Variants in PAPOLA observed in about 807,000 individuals in gnomAD.
PAPOLA encodes polynucleotide adenylyltransferase alpha.
In PAPOLA, 15 loss-of-function variants were observed where a neutral mutation model predicts 100.6. That is an observed-to-expected ratio of 0.15 (90% confidence interval 0.10 to 0.23). The LOEUF (loss-of-function observed/expected upper bound fraction) is 0.23, where lower values mean the gene tolerates loss of function less well. Among genes scored for constraint, PAPOLA ranks in the 10% least tolerant of loss-of-function variants. The pLI is 1.00. For synonymous variants in PAPOLA, 293 were observed against 300.0 expected (o/e 0.98, Z 0.24); for missense variants, 533 against 884.2 (o/e 0.60, Z 5.04).
chr14:96,517,350 T>G (rs1321941217), intron 1 of PAPOLA, among the ~76,000 whole-genome samples: 1 of 152,214 alleles, frequency 6.6e-6, no homozygotes, highest in Non-Finnish European at 1.5e-5. Context: ...CTTTGTATTG[T>G]GCACTTGAAA....
intron 15 of PAPOLA, among the ~76,000 whole-genome samples, chr14:96,545,546 T>C (rs1900327981): frequency 6.6e-6 from 1 of 152,094 alleles, no homozygotes; most frequent in South Asian, 2.1e-4. Context: ...AAATACTCTA[T>C]TTTTTGTTTG....
chr14:96,519,397 G>T (rs2140251760), intron 1 of PAPOLA, among the ~76,000 whole-genome samples: 1 of 152,192 alleles, frequency 6.6e-6, no homozygotes, highest in African/African-American at 2.4e-5. Flanking sequence ...GATTGAGTCA[G>T]ATTTATTTCC....
At chr14:96,564,725 A>G (rs1479557652) in intron 21 of PAPOLA, among the ~76,000 whole-genome samples, 3 of 152,096 alleles carry the variant, frequency 2.0e-5, no homozygotes, top group African/African-American at 7.2e-5. Flanking sequence ...AGTTTTTAAA[A>G]TATTATTAAA....
Position 96,537,034 on chromosome 14 carries a change from A to G in PAPOLA, c.1089A>G (p.Glu363=). Residue 363 remains glutamate, a synonymous_variant, in exon 12 of 22, where the codon GAA becomes GAG. Transcript: ENST00000216277. ...LSKAEWSKLF[E]APNFFQKYKH... ...AGGCAGAGTGGTCCAAACTTTTTGAAGCTCCAAACTTCTTTCAAAAGTACA... is the reference window on the plus strand; with the variant it reads ...AGGCAGAGTGGTCCAAACTTTTTGAGGCTCCAAACTTCTTTCAAAAGTACA... The G allele has an allele frequency of 6.2e-7, 1 of 1,605,550 alleles. No individual in the cohort carries two copies. The highest frequency in any genetic ancestry group is 2.2e-5 in the East Asian group (1 of 44,758).
At chr14:96,523,638 C>T (rs909020699) in intron 3 of PAPOLA, among the ~76,000 whole-genome samples, 11 of 152,174 alleles carry the variant, frequency 7.2e-5, no homozygotes, top group Admixed American at 6.5e-4. Context: ...AAAGGCTTTG[C>T]TTACTTTTAA....
At chr14:96,525,416 G>A in intron 4 of PAPOLA, 25 bp downstream of exon 4, 2 of 951,374 alleles carry the variant, frequency 2.1e-6, no homozygotes, top group Non-Finnish European at 3.3e-6. Flanking sequence ...ATTTTTCTTA[G>A]AAAGGGACCC....
At chr14:96,535,837 C>T (rs1899477316) in intron 10 of PAPOLA, 42 bp from the exon 11 acceptor site, 1 of 1,462,490 alleles carries the variant, frequency 6.8e-7, no homozygotes. Context: ...GTATCTGTTG[C>T]ATATGTACTT....
intron 8 of PAPOLA, 28 bp from the exon 9 acceptor site, chr14:96,532,483 T>A (rs1261251924): frequency 4.4e-6 from 7 of 1,605,978 alleles, no homozygotes; most frequent in Admixed American, 3.5e-5. Context: ...AACACTAACT[T>A]ATCTTTTTGC....
chr14:96,535,830 TC>T (rs1899476295), intron 10 of PAPOLA, 48 bp from the exon 11 acceptor site: 1 of 1,405,490 alleles, frequency 7.1e-7, no homozygotes, highest in East Asian at 2.6e-5. Flanking sequence ...AGCCCAAGTA[TC>T]TGTTGCATAT....
chr14:96,518,147 A>T (rs1418932524), intron 1 of PAPOLA, among the ~76,000 whole-genome samples: 1 of 152,224 alleles, frequency 6.6e-6, no homozygotes, highest in Non-Finnish European at 1.5e-5. Flanking sequence ...TTATTCAGTA[A>T]ATGTTATTAT....
chr14:96,563,174 C>T (rs934921971), intron 21 of PAPOLA, among the ~76,000 whole-genome samples: 5 of 152,074 alleles, frequency 3.3e-5, no homozygotes, highest in African/African-American at 1.2e-4. Context: ...ACACAGGGTT[C>T]ATATGTAGGT....
At chr14:96,508,315 C>G (rs1181036717) in intron 1 of PAPOLA, among the ~76,000 whole-genome samples, 2 of 152,158 alleles carry the variant, frequency 1.3e-5, no homozygotes, top group Non-Finnish European at 2.9e-5. Flanking sequence ...GATAACAGAA[C>G]TGTGGGAGAT....
intron 10 of PAPOLA, 148 bp downstream of exon 10, chr14:96,534,711 T>G: frequency 6.8e-7 from 1 of 1,466,902 alleles, no homozygotes; most frequent in Non-Finnish European, 9.0e-7. Context: ...TCAACTATAA[T>G]TGTCCTCAAC....
chr14:96,543,336 A>G (rs1165093042), intron 14 of PAPOLA, among the ~76,000 whole-genome samples: 1 of 152,162 alleles, frequency 6.6e-6, no homozygotes, highest in Non-Finnish European at 1.5e-5. Context: ...AGAAGATAAC[A>G]TAAGAAAAAG....
intron 15 of PAPOLA, among the ~76,000 whole-genome samples, chr14:96,544,782 C>G (rs1293127203): frequency 1.3e-5 from 2 of 152,016 alleles, no homozygotes; most frequent in African/African-American, 2.4e-5. Flanking sequence ...CTGCCTTCAT[C>G]ATCTTGAACC....
At position 96,532,493 on chromosome 14, in the gene PAPOLA, C is replaced by G; in HGVS notation, c.698-18C>G. ...TGTTCAACACTAACTTATCTTTTTG[C>G]TTTTCCCTTATCAACAGGCCACAAC... On this transcript the variant is annotated intron_variant, in intron 8 of 21. Transcript: ENST00000216277. 4 of 1,604,822 alleles carry G rather than the reference C, an allele frequency of 2.5e-6. No individual in the cohort carries two copies. The highest frequency in any genetic ancestry group is 1.1e-5 in the South Asian group (1 of 89,130).
chr14:96,524,920 G>A (rs761640217), intron 3 of PAPOLA, among the ~76,000 whole-genome samples: 2 of 152,144 alleles, frequency 1.3e-5, no homozygotes, highest in Admixed American at 1.3e-4. Flanking sequence ...TTTCTTTAAA[G>A]CAATCAGAAT....
At position 96,510,829 on chromosome 14, in the gene PAPOLA, GATT is replaced by G. The variant is rs750393964; in HGVS notation, c.8+8233_8+8235del. Among the ~76,000 whole-genome samples, 98 of 152,292 alleles carry G rather than the reference GATT, an allele frequency of 6.4e-4. 1 individual carries two copies. The highest frequency in any genetic ancestry group is 9.8e-4 in the Non-Finnish European group (67 of 68,022). ...CATCGTTTTAATTTCTTAGCAAATA[GATT>G]ATTTTGGCGATAATCTTGCCTGTAA... is the stretch of plus-strand genomic sequence containing the variant. On this transcript the variant is annotated intron_variant, in intron 1 of 21. Coordinates refer to ENST00000216277, the MANE Select transcript of PAPOLA (RefSeq NM_032632.5).
chr14:96,549,343 G>T (rs1900651653), intron 16 of PAPOLA, among the ~76,000 whole-genome samples: 1 of 151,824 alleles, frequency 6.6e-6, no homozygotes, highest in Admixed American at 6.6e-5. Context: ...CCGCCTCCTG[G>T]GTTCACGCCA....
Sources: allele counts gnomAD v4.1 joint callset (sites outside exome capture counted in the v4.1 genomes callset), GRCh38; gene constraint gnomAD v4.1.1; transcripts MANE v1.5; gene names NCBI Gene and HGNC (gene_info 2026-07-23, HGNC 2026-07-21).